KCNT1: variants seen among roughly 807,000 people sequenced by gnomAD.
The protein encoded by KCNT1 is potassium channel subfamily T member 1.
KCNT1 carries 78 observed loss-of-function variants against 147.8 expected under a neutral mutation model. The observed-to-expected ratio is 0.53, with a 90% CI of 0.44 to 0.64. The LOEUF is 0.64. Ranked by LOEUF, KCNT1 falls within the 30% of genes least tolerant of loss-of-function variation. The pLI is 0.00. For missense variants in KCNT1, 1,419 were observed against 1,750.3 expected, an observed-to-expected ratio of 0.81 and a Z score of 3.38; for synonymous variants, 867 against 748.8, an observed-to-expected ratio of 1.16 and a Z score of -2.58.
chr9:135,759,537 T>A, intron 10 of KCNT1, 142 bp from the exon 11 acceptor site: 2 of 806,426 alleles, frequency 2.5e-6, no homozygotes, highest in South Asian at 5.1e-5. Flanking sequence ...GCCACCCAGC[T>A]GTCAGGAGGG....
chr9:135,765,888 C>T, intron 13 of KCNT1, 128 bp downstream of exon 13: 2 of 877,864 alleles, frequency 2.3e-6, no homozygotes, highest in Non-Finnish European at 1.7e-6. Flanking sequence ...TAGACTATCC[C>T]CAGGGTGGAC....
At chr9:135,735,601 C>G (rs922138620) in intron 2 of KCNT1, among the ~76,000 whole-genome samples, 1 of 152,046 alleles carries the variant, frequency 6.6e-6, no homozygotes, top group East Asian at 1.9e-4. Flanking sequence ...GAGTTTGGGG[C>G]GGGCCGGCCC....
intron 2 of KCNT1, chr9:135,742,776 C>T (rs957996086): frequency 2.8e-6 from 2 of 717,280 alleles, no homozygotes; most frequent in Non-Finnish European, 2.6e-6. Context: ...CCCCAGGCTT[C>T]CTGTAGAAGA....
rs751932639 is a variant in KCNT1 at position 135,768,240 on chromosome 9, CGGGGGGGG to C, written c.1338-360_1338-353del. 3.7e-3 allele frequency among the ~76,000 whole-genome samples: 19 copies of C among 5,080 alleles called. 4 individuals are homozygous for C. The East Asian group carries it at 0.33, about 87-fold the overall frequency. 3.3% of individuals were successfully genotyped at this position (5,080 alleles called of 152,430 possible). ...AGTCTGGAGAGGCCCAGGATGCCTG[CGGGGGGGG>C]GGGGGGGGGCACTGGGATACCGGTG... On this transcript the variant is annotated intron_variant, in intron 13 of 30. Coordinates refer to ENST00000371757, the MANE Select transcript of KCNT1 (RefSeq NM_020822.3).
At chr9:135,766,150 ATCCAGGGTGGATTG>A (rs1047340543) in intron 13 of KCNT1, among the ~76,000 whole-genome samples, 1 of 150,154 alleles carries the variant, frequency 6.7e-6, no homozygotes, top group African/African-American at 2.5e-5. Flanking sequence ...AGTGTGGACC[ATCCAGGGTGGATTG>A]TCTAGGGTGG....
At position 135,752,141 on chromosome 9, in the gene KCNT1, TC is replaced by T; in HGVS notation, c.434+1102del. ...CACGTGTGTGGTGTGGTTGTCACCA[TC>T]CAGCCATCGGGGTGAACCCTGCCAG... On this transcript the variant is annotated intron_variant, in intron 4 of 30. Coordinates refer to ENST00000371757, the MANE Select transcript of KCNT1 (RefSeq NM_020822.3). This position sits in a 1 kb window ranked among gnomAD's most constrained non-coding sequence, Gnocchi z 5.1. The T allele has an allele frequency of 2.9e-6, 1 of 339,196 alleles. No homozygotes were observed. The highest frequency in any genetic ancestry group is 5.8e-6 in the Non-Finnish European group (1 of 171,188). The allele number at this position is 339,196 out of a possible 1,614,324, so 21.0% of individuals were successfully genotyped here.
At chr9:135,790,127 C>A (rs754042339) in intron 29 of KCNT1, 1 of 152,086 alleles carries the variant, frequency 6.6e-6, no homozygotes, top group Non-Finnish European at 1.5e-5. Context: ...CTGTGCCTGC[C>A]GGAGTGAAAT....
chr9:135,792,126 T>C lies in KCNT1; in HGVS notation c.3673T>C (p.Cys1225Arg). The C allele has an allele frequency of 1.9e-6, 3 of 1,605,988 alleles. No homozygotes were observed. The highest frequency in any genetic ancestry group is 2.5e-6 in the Non-Finnish European group (3 of 1,179,552). ...CAGCTGCAGCCACAAGCTGTCGTCC[T>C]GCAACCCCGAGACTCGCGACGAGAC... ...KSSCSHKLSS[C>R]NPETRDETQL is the part of the protein sequence containing the mutation. The change falls in exon 31 of 31, where the codon TGC (cysteine) becomes CGC (arginine). Residue 1225 changes from cysteine to arginine, a missense_variant. By Grantham distance (180) the Cys-to-Arg change is radical. Around this residue, in one of 5 missense-constraint regions of KCNT1, gnomAD observed 306 missense variants for 294.2 expected, o/e 1.04. Transcript: ENST00000371757.
chr9:135,711,803 G>A (rs186771644), intron 1 of KCNT1, among the ~76,000 whole-genome samples: 6 of 152,180 alleles, frequency 3.9e-5, no homozygotes, highest in Non-Finnish European at 8.8e-5. Context: ...GGCCACCCTG[G>A]GTCATAGCCT....
chr9:135,762,842 G>A (rs1240600812), intron 11 of KCNT1, among the ~76,000 whole-genome samples: 1 of 152,238 alleles, frequency 6.6e-6, no homozygotes, highest in Non-Finnish European at 1.5e-5. Context: ...GAAATTCACG[G>A]AACAAATGCG....
At chr9:135,708,257 T>C (rs910934594) in intron 1 of KCNT1, among the ~76,000 whole-genome samples, 1 of 152,232 alleles carries the variant, frequency 6.6e-6, no homozygotes, top group Non-Finnish European at 1.5e-5. Context: ...CATGTATACA[T>C]ATGCCCATGT....
intron 13 of KCNT1, among the ~76,000 whole-genome samples, chr9:135,766,343 AC>A (rs1231436725): frequency 7.1e-6 from 1 of 140,586 alleles, no homozygotes. Flanking sequence ...TTCAGAGTGA[AC>A]CATCTGGGAT....
At chr9:135,758,690 C>T (rs550355331) in intron 10 of KCNT1, among the ~76,000 whole-genome samples, 182 bp downstream of exon 10, 7 of 152,338 alleles carry the variant, frequency 4.6e-5, no homozygotes, top group African/African-American at 1.7e-4. Flanking sequence ...AGCTCCAAGC[C>T]CACGTCCCCA....
rs1390836270 is a variant in KCNT1, at chr9:135,795,254, C to G, written c.*3093C>G. The stretch of plus-strand genomic sequence containing the variant: ...TTGAGTTTAAGATCAGCGTGGGCAA[C>G]ATGATGAACCCTGACTGTATCAAAA... On this transcript the variant is annotated 3_prime_UTR_variant, in exon 31 of 31. Coordinates refer to ENST00000371757, the MANE Select transcript of KCNT1 (RefSeq NM_020822.3). 6.7e-6 allele frequency: 1 copy of G among 150,356 alleles called. No individual in the cohort carries two copies. Among genetic ancestry groups the G allele is most frequent in the Non-Finnish European group, 1.5e-5 (1 of 67,822 alleles). The allele number at this position is 150,356 out of a possible 1,614,324, so 9.3% of individuals were successfully genotyped here.
In KCNT1 at chr9:135,786,505, G is replaced by A; in HGVS notation, c.3486G>A (p.Leu1162=). Reference sequence around the variant, plus strand: ...AGAACCGCATGAAGCACCTGGGGCTGCCCACCACCGGCTACGGTAAGGGCA... The same window carrying A: ...AGAACCGCATGAAGCACCTGGGGCTACCCACCACCGGCTACGGTAAGGGCA... The part of the protein sequence containing the change: ...LVKNRMKHLG[L]PTTGYDEMND... The change falls in exon 29 of 31, where the codon CTG becomes CTA. Residue 1162 remains leucine, a synonymous_variant. Transcript: ENST00000371757. 6.3e-7 allele frequency: 1 copy of A among 1,595,176 alleles called. No homozygotes were observed. The highest frequency in any genetic ancestry group is 8.5e-7 in the Non-Finnish European group (1 of 1,173,678).
At position 135,776,181 on chromosome 9, in the gene KCNT1, G is replaced by C. The variant is rs1588378010; in HGVS notation, c.2349+766G>C. ...TGGAGTTAGCAGCTTCTCTGTGGGG[G>C]ACGTGTTGAGATCAGGAAAGCAAAC... is the stretch of plus-strand genomic sequence containing the variant. On this transcript the variant is annotated intron_variant, in intron 20 of 30. Coordinates refer to ENST00000371757, the MANE Select transcript of KCNT1 (RefSeq NM_020822.3). Among the ~76,000 whole-genome samples, 3 of 152,122 alleles carry C rather than the reference G, an allele frequency of 2.0e-5. No homozygotes were observed. The East Asian group carries it at 5.8e-4, about 29-fold the overall frequency.
rs186291915 is a variant in KCNT1, at chr9:135,724,139, G to A, written c.254+9419G>A. ...GGATCCAGGCTCAGAGGCTCGAGAGGCACAGGGGGAGGGCACCAAGGGCCT... is the reference window on the plus strand; with the variant it reads ...GGATCCAGGCTCAGAGGCTCGAGAGACACAGGGGGAGGGCACCAAGGGCCT... On this transcript the variant is annotated intron_variant, in intron 2 of 30. Transcript: ENST00000371757. 6.2e-4 allele frequency among the ~76,000 whole-genome samples: 95 copies of A among 152,314 alleles called. 1 individual carries two copies. The Middle Eastern group carries it at 0.037, about 60-fold the overall frequency.
At chr9:135,785,475 T>C (rs973796509) in intron 28 of KCNT1, 145 bp downstream of exon 28, 1 of 1,008,702 alleles carries the variant, frequency 9.9e-7, no homozygotes, top group East Asian at 2.7e-5. Context: ...CACGGATGTG[T>C]CGGCCCCAGC....
At chr9:135,716,186 G>A (rs1032304677) in intron 2 of KCNT1, among the ~76,000 whole-genome samples, 1 of 152,160 alleles carries the variant, frequency 6.6e-6, no homozygotes, top group Admixed American at 6.5e-5. Flanking sequence ...CTGGGACTTG[G>A]TTAATTCTTG....
Sources: gnomAD v4.1 joint callset for allele counts (sites outside exome capture counted in the v4.1 genomes callset) on GRCh38, gnomAD v4.1.1 for gene constraint, gnomAD v4.1.1 regional missense constraint, Gnocchi (gnomAD v3.1) non-coding constraint, MANE v1.5 for transcripts, NCBI Gene and HGNC (gene_info 2026-07-23, HGNC 2026-07-21) for gene names.